Variants in FGF10 observed in about 807,000 individuals in gnomAD.
FGF10 encodes the protein FGF-10.
A neutral mutation model predicts 19.8 loss-of-function variants in FGF10; 2 were observed. The ratio of observed to expected loss-of-function variants is 0.10; its 90% CI spans 0.04 to 0.32. The LOEUF (loss-of-function observed/expected upper bound fraction) is 0.32. Ranked by LOEUF, FGF10 falls within the 10% of genes least tolerant of loss-of-function variation. The probability of loss-of-function intolerance (pLI) is 1.00; values close to 1 mark genes in which losing one functional copy is unlikely to be tolerated. For missense variants in FGF10, 191 were observed against 246.3 expected (o/e 0.78, Z 1.50); for synonymous variants, 112 against 94.0 (o/e 1.19, Z -1.10).
At chr5:44,367,053 C>T (rs574452524) in intron 1 of FGF10, among the ~76,000 whole-genome samples, 3 of 152,082 alleles carry the variant, frequency 2.0e-5, no homozygotes, top group South Asian at 4.2e-4. Flanking sequence ...TAGTGTTCCT[C>T]ATATGTGAGA....
intron 1 of FGF10, among the ~76,000 whole-genome samples, chr5:44,376,049 C>T (rs1384831693): frequency 6.6e-6 from 1 of 152,016 alleles, no homozygotes; most frequent in Non-Finnish European, 1.5e-5. Context: ...TAATTAGTAA[C>T]AACACAAGCA....
intron 1 of FGF10, among the ~76,000 whole-genome samples, chr5:44,376,057 G>C (rs2111898905): frequency 6.6e-6 from 1 of 152,112 alleles, no homozygotes; most frequent in South Asian, 2.1e-4. Flanking sequence ...AACAACACAA[G>C]CAGTCATGGC....
At chr5:44,333,102 A>ACC (rs574102260) in intron 1 of FGF10, among the ~76,000 whole-genome samples, 31 of 151,570 alleles carry the variant, frequency 2.0e-4, no homozygotes, top group African/African-American at 6.8e-4. Flanking sequence ...AGAAGTCCTG[A>ACC]CCCCCCCCAA....
Position 44,346,643 on chromosome 5 carries a change from C to T in FGF10, c.326-36113G>A, listed in dbSNP as rs547596825. Among the ~76,000 whole-genome samples the T allele has an allele frequency of 1.4e-4, 22 of 151,950 alleles. No homozygotes were observed. The South Asian group carries it at 2.3e-3, about 16-fold the overall frequency. ...ATTTCCTTGATTTTTGTATAGCTTACTCTACACTTTGTCATTCAGGTCTCA... is the reference window on the plus strand; with the variant it reads ...ATTTCCTTGATTTTTGTATAGCTTATTCTACACTTTGTCATTCAGGTCTCA... On this transcript the variant is annotated intron_variant, in intron 1 of 2. Coordinates refer to ENST00000264664, the MANE Select transcript of FGF10 (RefSeq NM_004465.2).
intron 1 of FGF10, among the ~76,000 whole-genome samples, chr5:44,348,475 ATTGTGCATAT>A (rs1741136355): frequency 6.6e-6 from 1 of 151,424 alleles, no homozygotes; most frequent in African/African-American, 2.4e-5. Context: ...TTTGACACTA[ATTGTGCATAT>A]TTGTGTTCAC....
At position 44,388,370 on chromosome 5, in the gene FGF10, TCTC is replaced by T; in HGVS notation, c.310_312del (p.Glu104del). The stretch of plus-strand genomic sequence containing the variant: ...ATTTGTTACTTACTGTACGGGCAGT[TCTC>T]CTTCTTGGTCCCGCTGACCTTCCCG... On this transcript the variant is annotated inframe_deletion, in exon 1 of 3. Coordinates refer to ENST00000264664, the MANE Select transcript of FGF10 (RefSeq NM_004465.2). The T allele has an allele frequency of 1.9e-6, 3 of 1,613,378 alleles. No individual in the cohort carries two copies. The highest frequency in any genetic ancestry group is 2.5e-6 in the Non-Finnish European group (3 of 1,179,980).
intron 2 of FGF10, among the ~76,000 whole-genome samples, chr5:44,307,486 A>AATAGAT (rs1740106940): frequency 2.0e-5 from 3 of 152,226 alleles, no homozygotes; most frequent in Admixed American, 6.5e-5. Context: ...GAGAAAACTC[A>AATAGAT]AAATACAATA....
intron 1 of FGF10, among the ~76,000 whole-genome samples, chr5:44,354,796 G>A (rs1268394912): frequency 5.9e-5 from 9 of 151,470 alleles, no homozygotes; most frequent in East Asian, 3.9e-4. Flanking sequence ...TGCCTACCCT[G>A]AGTCACACTA....
At chr5:44,374,653 A>G (rs972372175) in intron 1 of FGF10, among the ~76,000 whole-genome samples, 3 of 152,188 alleles carry the variant, frequency 2.0e-5, no homozygotes, top group Non-Finnish European at 2.9e-5. Context: ...CCCACTCTTT[A>G]CAGCACTTTA....
chr5:44,370,305 T>C (rs1322006737), intron 1 of FGF10, among the ~76,000 whole-genome samples: 1 of 152,146 alleles, frequency 6.6e-6, no homozygotes, highest in Non-Finnish European at 1.5e-5. Context: ...GCATTCTATC[T>C]CTAAGAAAGT....
At position 44,311,889 on chromosome 5, in the gene FGF10, C is replaced by T. The variant is rs560979363; in HGVS notation, c.326-1359G>A. 7.9e-5 allele frequency among the ~76,000 whole-genome samples: 12 copies of T among 152,152 alleles called. No individual in the cohort carries two copies. In the South Asian group the frequency reaches 1.2e-3, roughly 16 times the overall value. ...GAGATAGAGTGGCTTAGCTTATTCT[C>T]GAGAGATGAATACCTTCTTTCCTAT... On this transcript the variant is annotated intron_variant, in intron 1 of 2. Transcript: ENST00000264664.
intron 1 of FGF10, among the ~76,000 whole-genome samples, chr5:44,334,685 G>GT (rs887552018): frequency 9.9e-5 from 15 of 152,098 alleles, no homozygotes; most frequent in African/African-American, 3.4e-4. Context: ...TCAAACTCAT[G>GT]TTTTTTTCAA....
In FGF10 at chr5:44,342,512, G is replaced by GA. The variant is rs5867661; in HGVS notation, c.326-31983dup. 9.7e-4 allele frequency among the ~76,000 whole-genome samples: 139 copies of GA among 143,810 alleles called. 1 individual carries two copies. Among genetic ancestry groups the GA allele is most frequent in the Middle Eastern group, 3.5e-3 (1 of 286 alleles). The allele number at this position is 143,810 out of a possible 152,430, so 94.3% of individuals were successfully genotyped here. A position where few individuals can be genotyped will look rare whatever the true frequency, so the allele number is the denominator to read the frequency against. ...TTAAGAAATTTATAGAAAGTTTTAG[G>GA]AAAAAAAAAAAAACTAACCAGAATT... is the stretch of plus-strand genomic sequence containing the variant. On this transcript the variant is annotated intron_variant, in intron 1 of 2. Transcript: ENST00000264664.
At position 44,304,983 on chromosome 5, in the gene FGF10, C is replaced by T. The variant is rs1740042578; in HGVS notation, c.*12G>A. ...CCATTGGTTCTACTGCATCCACAAA[C>T]GTTGCCTTCCTCTATGAGTGTACCA... On this transcript the variant is annotated 3_prime_UTR_variant, in exon 3 of 3. Transcript: ENST00000264664. 1.9e-6 allele frequency: 3 copies of T among 1,613,440 alleles called. No individual in the cohort carries two copies. Among genetic ancestry groups the T allele is most frequent in the South Asian group, 1.1e-5 (1 of 91,058 alleles).
In FGF10 at chr5:44,376,501, A is replaced by AAAAC. The variant is rs1233245189; in HGVS notation, c.325+11856_325+11857insGTTT. ...TAGAATACAAATGCCAAAAAAAAAA[A>AAAAC]AAAAAAAAAAAAAAAACAAAAAACC... On this transcript the variant is annotated intron_variant, in intron 1 of 2. Transcript: ENST00000264664. Among the ~76,000 whole-genome samples the AAAAC allele has an allele frequency of 1.7e-4, 19 of 112,502 alleles. 1 individual carries two copies. The highest frequency in any genetic ancestry group is 4.2e-4 in the East Asian group (2 of 4,780). 73.8% of individuals were successfully genotyped at this position (112,502 alleles called of 152,430 possible).
At chr5:44,342,170 A>G (rs1740985432) in intron 1 of FGF10, among the ~76,000 whole-genome samples, 1 of 151,960 alleles carries the variant, frequency 6.6e-6, no homozygotes, top group South Asian at 2.1e-4. Context: ...AAATTATATT[A>G]TTTTAGTCTT....
chr5:44,310,039 A>G (rs1325567041), intron 2 of FGF10, among the ~76,000 whole-genome samples: 3 of 152,136 alleles, frequency 2.0e-5, no homozygotes, highest in African/African-American at 4.8e-5. Context: ...CCCTTGTTTC[A>G]TCTTCAGCCG....
In FGF10 at chr5:44,301,404, C is replaced by T. The variant is rs894547967; in HGVS notation, c.*3591G>A. The stretch of plus-strand genomic sequence containing the variant: ...AGAACTGTGCAGCATTAATGCTGAT[C>T]TATGTAAATTGGGTTCATAAACTTG... On this transcript the variant is annotated 3_prime_UTR_variant, in exon 3 of 3. Transcript: ENST00000264664. Among the ~76,000 whole-genome samples the T allele has an allele frequency of 3.3e-5, 5 of 152,132 alleles. No individual in the cohort carries two copies. The highest frequency in any genetic ancestry group is 7.2e-5 in the African/African-American group (3 of 41,440).
chr5:44,379,703 G>T (rs909543413), intron 1 of FGF10, among the ~76,000 whole-genome samples: 4 of 152,184 alleles, frequency 2.6e-5, no homozygotes, highest in Non-Finnish European at 5.9e-5. Context: ...TTGAATGCCA[G>T]GGCTTGGGTT....
Sources: allele counts gnomAD v4.1 joint callset (sites outside exome capture counted in the v4.1 genomes callset), GRCh38; gene constraint gnomAD v4.1.1; transcripts MANE v1.5; gene names NCBI Gene and HGNC (gene_info 2026-07-23, HGNC 2026-07-21).